Variants in CNNM2 observed in about 807,000 individuals in gnomAD.
The protein encoded by CNNM2 is cyclin and CBS domain divalent metal cation transport mediator 2, also known as metal transporter CNNM2.
In CNNM2, 12 loss-of-function variants were observed where a neutral mutation model predicts 66.9. The ratio of observed to expected loss-of-function variants is 0.18; its 90% CI spans 0.11 to 0.29. The LOEUF (loss-of-function observed/expected upper bound fraction) is 0.29. Among genes scored for constraint, CNNM2 ranks in the 10% least tolerant of loss-of-function variants. The probability of loss-of-function intolerance (pLI) is 1.00; values close to 1 mark genes in which losing one functional copy is unlikely to be tolerated. For synonymous variants in CNNM2, 557 were observed against 501.8 expected, an observed-to-expected ratio of 1.11 and a Z score of -1.47; for missense variants, 705 against 1,167.7, an observed-to-expected ratio of 0.60 and a Z score of 5.77.
Position 102,929,685 on chromosome 10 carries a change from T to A in CNNM2, c.1621+9584T>A, listed in dbSNP as rs531638255. Among the ~76,000 whole-genome samples the A allele has an allele frequency of 1.3e-3, 191 of 152,134 alleles. 1 individual carries two copies. The highest frequency in any genetic ancestry group is 2.3e-3 in the Non-Finnish European group (158 of 68,040). On this transcript the variant is annotated intron_variant, in intron 1 of 7. Transcript: ENST00000369878. The stretch of plus-strand genomic sequence containing the variant: ...AAACAACTGAAAAAGACAACAAGTC[T>A]TTTGAGTTGTTTATCCGCTCATCCG...
Position 103,071,764 on chromosome 10 carries a change from C to A in CNNM2, c.2168-10C>A, listed in dbSNP as rs1465701591. On this transcript the variant is annotated splice_polypyrimidine_tract_variant and intron_variant, in intron 5 of 7. Transcript: ENST00000369878. ...GATGCGATCTCACCCTGTTTTTCTCCATTTTTCAGTTCCTTTGTCCCTGTC... is the reference window on the plus strand; with the variant it reads ...GATGCGATCTCACCCTGTTTTTCTCAATTTTTCAGTTCCTTTGTCCCTGTC... 6.2e-7 allele frequency: 1 copy of A among 1,613,238 alleles called. No individual in the cohort carries two copies.
At chr10:103,066,463 TC>T (rs2065478328) in intron 4 of CNNM2, among the ~76,000 whole-genome samples, 2 of 152,088 alleles carry the variant, frequency 1.3e-5, no homozygotes, top group African/African-American at 4.8e-5. Flanking sequence ...GCTGCCACCC[TC>T]GTGGAAGCAG....
At chr10:102,973,224 G>A (rs2063572739) in intron 1 of CNNM2, among the ~76,000 whole-genome samples, 1 of 150,236 alleles carries the variant, frequency 6.7e-6, no homozygotes, top group Non-Finnish European at 1.5e-5. Flanking sequence ...TTTATATACT[G>A]CTGCCAGATT....
chr10:102,967,966 T>G (rs1241496015), intron 1 of CNNM2, among the ~76,000 whole-genome samples: 2 of 152,130 alleles, frequency 1.3e-5, no homozygotes, highest in African/African-American at 4.8e-5. Flanking sequence ...TGAGATTGTG[T>G]CACTGTGCTC....
intron 1 of CNNM2, among the ~76,000 whole-genome samples, chr10:102,973,355 G>C (rs1177209705): frequency 6.6e-6 from 1 of 152,012 alleles, no homozygotes; most frequent in Non-Finnish European, 1.5e-5. Flanking sequence ...TGGCTCATTG[G>C]AGCCTCAGCC....
At chr10:103,013,457 AG>A (rs2064383526) in intron 1 of CNNM2, among the ~76,000 whole-genome samples, 1 of 152,132 alleles carries the variant, frequency 6.6e-6, no homozygotes, top group African/African-American at 2.4e-5. Context: ...ACTGGAAGGA[AG>A]GGAAATCTGC....
At chr10:103,012,430 G>A (rs1477107896) in intron 1 of CNNM2, among the ~76,000 whole-genome samples, 3 of 152,146 alleles carry the variant, frequency 2.0e-5, no homozygotes, top group Admixed American at 6.5e-5. Flanking sequence ...CAGACCACCT[G>A]AGGTCAGGAG....
intron 1 of CNNM2, among the ~76,000 whole-genome samples, chr10:102,944,207 T>C (rs528899549): frequency 6.6e-6 from 1 of 150,996 alleles, no homozygotes; most frequent in African/African-American, 2.4e-5. Flanking sequence ...GCCCCCCGAG[T>C]AGCTAGGATT....
chr10:103,062,260 G>A (rs972688522), intron 4 of CNNM2, among the ~76,000 whole-genome samples: 3 of 152,280 alleles, frequency 2.0e-5, no homozygotes, highest in East Asian at 1.9e-4. Flanking sequence ...AACGGGGGTC[G>A]TCTTGTGGAG....
intron 1 of CNNM2, among the ~76,000 whole-genome samples, chr10:102,941,866 G>A (rs943510489): frequency 2.0e-5 from 3 of 152,042 alleles, no homozygotes; most frequent in Non-Finnish European, 4.4e-5. Flanking sequence ...TCACTGCTGC[G>A]TTGCCAGGGC....
rs2065715428 is a variant in CNNM2 at position 103,077,795 on chromosome 10, A to G, written c.*615A>G. 6.5e-6 allele frequency: 1 copy of G among 152,918 alleles called. No individual in the cohort carries two copies. Among genetic ancestry groups the G allele is most frequent in the Non-Finnish European group, 1.5e-5 (1 of 68,286 alleles). 9.5% of individuals were successfully genotyped at this position (152,918 alleles called of 1,614,324 possible). A position where few individuals can be genotyped will look rare whatever the true frequency, so the allele number is the denominator to read the frequency against. ...TGTAGCCTGCCTCAGAGGGACCTGC[A>G]ATCACCTCTCTGAGCTCAGTGGTAT... On this transcript the variant is annotated 3_prime_UTR_variant, in exon 8 of 8. Coordinates refer to ENST00000369878, the MANE Select transcript of CNNM2 (RefSeq NM_017649.5).
At chr10:102,980,138 C>T (rs939893603) in intron 1 of CNNM2, among the ~76,000 whole-genome samples, 2 of 151,850 alleles carry the variant, frequency 1.3e-5, no homozygotes, top group Admixed American at 6.6e-5. Flanking sequence ...TGGTCTCAGA[C>T]GCCATGTTGG....
At chr10:102,987,318 T>TATC (rs1422288662) in intron 1 of CNNM2, among the ~76,000 whole-genome samples, 1 of 150,944 alleles carries the variant, frequency 6.6e-6, no homozygotes, top group Admixed American at 6.6e-5. Flanking sequence ...ACATTAAGCT[T>TATC]ATTATTATTA....
chr10:102,918,976 A>G lies in CNNM2; in HGVS notation c.496A>G (p.Asn166Asp). ...DIIILPHIILNRRTSGIIEIE... is the reference protein window; with the variant it reads ...DIIILPHIILDRRTSGIIEIE... ...CATCATCTTGCCCCACATCATTCTC[A>G]ACCGCCGCACCTCGGGCATCATCGA... The change falls in exon 1 of 8, where the codon AAC (asparagine) becomes GAC (aspartate). Residue 166 changes from asparagine (N) to aspartate (D), a missense_variant. Physicochemically the swap from Asn to Asp is conservative, Grantham distance 23. Transcript: ENST00000369878. This position sits in a 1 kb window ranked among gnomAD's most constrained non-coding sequence, Gnocchi z 4.1. The G allele has an allele frequency of 6.2e-7, 1 of 1,612,556 alleles. No homozygotes were observed.
At chr10:103,052,154 G>A (rs190726473) in intron 2 of CNNM2, among the ~76,000 whole-genome samples, 136 of 151,618 alleles carry the variant, frequency 9.0e-4, no homozygotes, top group African/African-American at 3.2e-3. Context: ...GGTGGCGTGC[G>A]CCTGTAGTCC....
In CNNM2 at chr10:103,088,213, C is replaced by G. The variant is rs1326297541; in HGVS notation, c.*11033C>G. Reference sequence around the variant, plus strand: ...AGCTAATCTACCCTCCCCTATTGACCAATGACAAGAATGGAAGAAAATATA... The same window carrying G: ...AGCTAATCTACCCTCCCCTATTGACGAATGACAAGAATGGAAGAAAATATA... On this transcript the variant is annotated 3_prime_UTR_variant, in exon 8 of 8. Coordinates refer to ENST00000369878, the MANE Select transcript of CNNM2 (RefSeq NM_017649.5). 1 of 152,072 alleles carries G rather than the reference C, an allele frequency of 6.6e-6. No individual in the cohort carries two copies. Among genetic ancestry groups the G allele is most frequent in the African/African-American group, 2.4e-5 (1 of 41,408 alleles). The allele number at this position is 152,072 out of a possible 1,614,324, so 9.4% of individuals were successfully genotyped here. A position where few individuals can be genotyped will look rare whatever the true frequency, so the allele number is the denominator to read the frequency against.
intron 5 of CNNM2, among the ~76,000 whole-genome samples, chr10:103,071,570 T>C (rs1191798629): frequency 1.3e-5 from 2 of 152,344 alleles, no homozygotes; most frequent in East Asian, 3.9e-4. Flanking sequence ...GTAGGATTTC[T>C]CCTGATCTTG....
At chr10:103,057,077 CT>C in intron 4 of CNNM2, 113 bp downstream of exon 4, 1 of 1,016,458 alleles carries the variant, frequency 9.8e-7, no homozygotes, top group Non-Finnish European at 1.4e-6. Flanking sequence ...AGGGGGTAGC[CT>C]TAGACATGGG....
intron 4 of CNNM2, among the ~76,000 whole-genome samples, chr10:103,058,063 G>T (rs1174366690): frequency 6.6e-6 from 1 of 152,208 alleles, no homozygotes; most frequent in African/African-American, 2.4e-5. Flanking sequence ...CCCATGTTTG[G>T]GCAGCATTGT....
Sources: gnomAD v4.1 joint callset for allele counts (sites outside exome capture counted in the v4.1 genomes callset) on GRCh38, gnomAD v4.1.1 for gene constraint, Gnocchi (gnomAD v3.1) non-coding constraint, MANE v1.5 for transcripts, NCBI Gene and HGNC (gene_info 2026-07-23, HGNC 2026-07-21) for gene names.